ZNF460: variants seen among roughly 807,000 people sequenced by gnomAD.
ZNF460 encodes the protein zinc finger protein 272.
Under a neutral mutation model 8.4 loss-of-function variants are expected in ZNF460, and 1 was observed. The ratio of observed to expected loss-of-function variants is 0.12; its 90% confidence interval spans 0.04 to 0.56. The LOEUF (loss-of-function observed/expected upper bound fraction) is 0.56, where lower values mean the gene tolerates loss of function less well. ZNF460 is among the 20% of genes least tolerant of loss of function. ZNF460 has a pLI of 0.91. For synonymous variants in ZNF460, 262 were observed against 259.9 expected (o/e 1.01, Z -0.08); for missense variants, 477 against 714.8 (o/e 0.67, Z 3.79).
chr19:57,284,501 C>T (rs755026765), intron 1 of ZNF460, 50 bp from the exon 2 acceptor site: 2 of 1,594,528 alleles, frequency 1.3e-6, no homozygotes, highest in South Asian at 2.3e-5. Context: ...GGTTCTAATC[C>T]TATTCCACAG....
At position 57,292,903 on chromosome 19, in the gene ZNF460, A is replaced by C. The variant is rs1423026295; in HGVS notation, c.*673A>C. ...GAGGCTTGAGTTATGAAATACTTTT[A>C]CATTTAAGGAGATAAAGGATGTACA... On this transcript the variant is annotated 3_prime_UTR_variant, in exon 3 of 3. Coordinates refer to ENST00000360338, the MANE Select transcript of ZNF460 (RefSeq NM_006635.4). 6.6e-6 allele frequency: 1 copy of C among 152,410 alleles called. No individual in the cohort carries two copies. The highest frequency in any genetic ancestry group is 1.9e-4 in the East Asian group (1 of 5,190). 9.4% of individuals were successfully genotyped at this position (152,410 alleles called of 1,614,324 possible).
chr19:57,287,866 A>T (rs1300728055), intron 2 of ZNF460, among the ~76,000 whole-genome samples: 1 of 152,074 alleles, frequency 6.6e-6, no homozygotes, highest in South Asian at 2.1e-4. Flanking sequence ...GCAGGTGCCT[A>T]TCATCTGAGC....
At chr19:57,283,317 A>C (rs1018976137) in intron 1 of ZNF460, among the ~76,000 whole-genome samples, 7 of 151,056 alleles carry the variant, frequency 4.6e-5, no homozygotes, top group African/African-American at 9.7e-5. Flanking sequence ...CTACAGGCAC[A>C]CACTACCACA....
In ZNF460 at chr19:57,280,764, G is replaced by T; in HGVS notation, c.-43G>T. On this transcript the variant is annotated 5_prime_UTR_variant, in exon 1 of 3. Coordinates refer to ENST00000360338, the MANE Select transcript of ZNF460 (RefSeq NM_006635.4). ...AGTCAGCCGAGGTCGCCCCGCCCAGGACAGAGAAGGGCTGTGGTCGGCTGA... is the reference window on the plus strand; with the variant it reads ...AGTCAGCCGAGGTCGCCCCGCCCAGTACAGAGAAGGGCTGTGGTCGGCTGA... The T allele has an allele frequency of 6.2e-7, 1 of 1,613,250 alleles. No homozygotes were observed. The highest frequency in any genetic ancestry group is 8.5e-7 in the Non-Finnish European group (1 of 1,179,646).
intron 1 of ZNF460, among the ~76,000 whole-genome samples, chr19:57,283,315 A>T (rs889216708): frequency 6.6e-6 from 1 of 150,426 alleles, no homozygotes; most frequent in African/African-American, 2.5e-5. Flanking sequence ...GACTACAGGC[A>T]CACACTACCA....
chr19:57,290,520 C>T (rs538160255), intron 2 of ZNF460, among the ~76,000 whole-genome samples, 179 bp from the exon 3 acceptor site: 26 of 151,898 alleles, frequency 1.7e-4, no homozygotes, highest in Admixed American at 9.2e-4. Context: ...TCAAGTGATC[C>T]GCCTGCCTTG....
intron 2 of ZNF460, among the ~76,000 whole-genome samples, chr19:57,289,766 C>T (rs571893039): frequency 6.6e-6 from 1 of 152,110 alleles, no homozygotes; most frequent in African/African-American, 2.4e-5. Context: ...ACTTTGGAGG[C>T]AGAGGTGGGC....
In ZNF460 at chr19:57,291,832, C is replaced by T. The variant is rs1392676542; in HGVS notation, c.1291C>T (p.Arg431Cys). 3.1e-6 allele frequency: 5 copies of T among 1,614,056 alleles called. No homozygotes were observed. The highest frequency in any genetic ancestry group is 3.4e-6 in the Non-Finnish European group (4 of 1,179,976). ...ECLQCGKAFT[R>C]MSGLTRHQWI... ...TTTACAGTGTGGAAAGGCTTTTACC[C>T]GCATGTCAGGGCTCACAAGGCACCA... The change falls in exon 3 of 3, where the codon CGC becomes TGC. Residue 431 changes from arginine to cysteine, a missense_variant. Physicochemically the swap from Arg to Cys is radical, Grantham distance 180. Coordinates refer to ENST00000360338, the MANE Select transcript of ZNF460 (RefSeq NM_006635.4). The surrounding 1 kb of genome is among the most constrained non-coding windows in gnomAD (Gnocchi z 8.4).
In ZNF460 at chr19:57,292,001, G is replaced by A. The variant is rs2087921286; in HGVS notation, c.1460G>A (p.Arg487His). The change falls in exon 3 of 3, where the codon CGC becomes CAC. Residue 487 changes from arginine (R) to histidine (H), a missense_variant. This residue lies in a region of ZNF460 where 193 missense variants were observed against 391.7 expected (regional missense o/e 0.49). Coordinates refer to ENST00000360338, the MANE Select transcript of ZNF460 (RefSeq NM_006635.4). Reference sequence around the variant, plus strand: ...GTGGAGTGCGGGAAGGCCTTCAACCGCAGGTCACCCCTCACAAGGCACCAG... The same window carrying A: ...GTGGAGTGCGGGAAGGCCTTCAACCACAGGTCACCCCTCACAAGGCACCAG... ...ECVECGKAFN[R>H]RSPLTRHQRI... The A allele has an allele frequency of 6.2e-7, 1 of 1,614,156 alleles. No homozygotes were observed. The highest frequency in any genetic ancestry group is 8.5e-7 in the Non-Finnish European group (1 of 1,180,030).
At chr19:57,284,763 G>A in intron 2 of ZNF460, 86 bp downstream of exon 2, 1 of 1,400,362 alleles carries the variant, frequency 7.1e-7, no homozygotes, top group South Asian at 1.7e-5. Context: ...GGCCTGGCTA[G>A]TGGAATAGGT....
At chr19:57,285,277 GC>G (rs541255008) in intron 2 of ZNF460, among the ~76,000 whole-genome samples, 1 of 152,146 alleles carries the variant, frequency 6.6e-6, no homozygotes, top group Non-Finnish European at 1.5e-5. Flanking sequence ...TTGCAGCCAG[GC>G]CCCCCTGTGG....
intron 1 of ZNF460, 26 bp from the exon 2 acceptor site, chr19:57,284,525 A>G (rs1396228084): frequency 5.6e-6 from 9 of 1,607,162 alleles, no homozygotes; most frequent in East Asian, 2.2e-5. Context: ...CAAAGGAAAC[A>G]TTACTGGTTC....
chr19:57,288,916 A>G (rs1309136961), intron 2 of ZNF460, among the ~76,000 whole-genome samples: 2 of 143,790 alleles, frequency 1.4e-5, no homozygotes, highest in African/African-American at 5.2e-5. Context: ...TTTTTAAGAG[A>G]TGGATCTGGC....
Position 57,292,341 on chromosome 19 carries a change from T to C in ZNF460, c.*111T>C. On this transcript the variant is annotated 3_prime_UTR_variant, in exon 3 of 3. Transcript: ENST00000360338. ...AGAAAATCTGTGGTGAGAGGAAACA[T>C]CTTACCATCTGGTCATTCATACTGA... is the stretch of plus-strand genomic sequence containing the variant. 1 of 1,138,764 alleles carries C rather than the reference T, an allele frequency of 8.8e-7. No homozygotes were observed. The highest frequency in any genetic ancestry group is 1.2e-6 in the Non-Finnish European group (1 of 802,760). The allele number at this position is 1,138,764 out of a possible 1,614,324, so 70.5% of individuals were successfully genotyped here.
intron 2 of ZNF460, among the ~76,000 whole-genome samples, chr19:57,284,982 A>C: frequency 6.6e-6 from 1 of 151,434 alleles, no homozygotes; most frequent in South Asian, 2.1e-4. Flanking sequence ...ATGCCCAGCT[A>C]ATTTTGTATT....
chr19:57,280,686 C>G lies in ZNF460; in HGVS notation c.-121C>G, dbSNP rs1039906263. Reference sequence around the variant, plus strand: ...CGTCTCCTCAGCCCCGACGCTGCGCCTTGGGCCTTGTGCGCATTTTTTTCG... The same window carrying G: ...CGTCTCCTCAGCCCCGACGCTGCGCGTTGGGCCTTGTGCGCATTTTTTTCG... On this transcript the variant is annotated 5_prime_UTR_variant, in exon 1 of 3. Transcript: ENST00000360338. 3 of 1,439,054 alleles carry G rather than the reference C, an allele frequency of 2.1e-6. No individual in the cohort carries two copies. In the African/African-American group the frequency reaches 4.2e-5, roughly 20 times the overall value. The allele number at this position is 1,439,054 out of a possible 1,614,324, so 89.1% of individuals were successfully genotyped here.
intron 1 of ZNF460, among the ~76,000 whole-genome samples, chr19:57,284,211 TA>T (rs1376512213): frequency 6.9e-4 from 104 of 150,606 alleles, no homozygotes; most frequent in African/African-American, 1.1e-3. Context: ...TTTATTTATT[TA>T]TTTATTTTTT....
At chr19:57,281,030 G>A (rs2087834704) in intron 1 of ZNF460, among the ~76,000 whole-genome samples, 194 bp downstream of exon 1, 1 of 152,160 alleles carries the variant, frequency 6.6e-6, no homozygotes, top group African/African-American at 2.4e-5. Context: ...TCAGTCCGTG[G>A]TTGAAGGAGT....
Position 57,283,145 on chromosome 19 carries a change from GT to G in ZNF460, c.31-1391del, listed in dbSNP as rs59796969. ...GTGGCCTTTGCCTCAGTGTTTGTTT[GT>G]TTTTTTTTTTTTTTACAAACAGTTT... On this transcript the variant is annotated intron_variant, in intron 1 of 2. Coordinates refer to ENST00000360338, the MANE Select transcript of ZNF460 (RefSeq NM_006635.4). Among the ~76,000 whole-genome samples the G allele has an allele frequency of 2.4e-3, 345 of 142,838 alleles. 4 individuals are homozygous for G. Among genetic ancestry groups the G allele is most frequent in the East Asian group, 0.014 (71 of 4,938 alleles). 93.7% of individuals were successfully genotyped at this position (142,838 alleles called of 152,430 possible). A position where few individuals can be genotyped will look rare whatever the true frequency, so the allele number is the denominator to read the frequency against.
Sources: allele counts gnomAD v4.1 joint callset (sites outside exome capture counted in the v4.1 genomes callset), GRCh38; gene constraint gnomAD v4.1.1; regional missense constraint gnomAD v4.1.1; non-coding constraint Gnocchi (gnomAD v3.1); transcripts MANE v1.5; gene names NCBI Gene and HGNC (gene_info 2026-07-23, HGNC 2026-07-21).